Variants in PAX3 observed in about 807,000 individuals in gnomAD.
The protein encoded by PAX3 is paired box protein Pax-3.
Under a neutral mutation model 51.6 loss-of-function variants are expected in PAX3, and 14 were observed. The ratio of observed to expected loss-of-function variants is 0.27; its 90% CI spans 0.18 to 0.42. The LOEUF (loss-of-function observed/expected upper bound fraction) is 0.42. PAX3 is among the 10% of genes least tolerant of loss of function. PAX3 has a pLI of 1.00. For missense variants in PAX3, 540 were observed against 642.8 expected, an observed-to-expected ratio of 0.84 and a Z score of 1.73; for synonymous variants, 280 against 253.4, an observed-to-expected ratio of 1.11 and a Z score of -1.00.
At chr2:222,246,622 T>C (rs1278883892) in intron 4 of PAX3, among the ~76,000 whole-genome samples, 3 of 152,148 alleles carry the variant, frequency 2.0e-5, no homozygotes, top group Admixed American at 6.6e-5. Flanking sequence ...AATAGATCAA[T>C]AGATAGATAT....
At chr2:222,268,631 T>TG (rs1300936474) in intron 4 of PAX3, among the ~76,000 whole-genome samples, 2 of 152,182 alleles carry the variant, frequency 1.3e-5, no homozygotes, top group East Asian at 1.9e-4. Context: ...CACGGGGGGT[T>TG]GGGGGGCAGA....
In PAX3 at chr2:222,234,625, G is replaced by C. The variant is rs74646364; in HGVS notation, c.587-2342C>G. Among the ~76,000 whole-genome samples, 1,053 of 152,228 alleles carry C rather than the reference G, an allele frequency of 6.9e-3. 11 individuals are homozygous for C. Among genetic ancestry groups the C allele is most frequent in the African/African-American group, 0.024 (1,011 of 41,530 alleles). On this transcript the variant is annotated intron_variant, in intron 4 of 8. Coordinates refer to ENST00000392070, the MANE Select transcript of PAX3 (RefSeq NM_181458.4). ...TTTCAATTCAGTAGATCTGAGGTGG[G>C]CTCCAAGAGTTTGCATGTCTAACAC...
At chr2:222,246,749 T>C (rs1202575066) in intron 4 of PAX3, among the ~76,000 whole-genome samples, 1 of 152,240 alleles carries the variant, frequency 6.6e-6, no homozygotes, top group Non-Finnish European at 1.5e-5. Flanking sequence ...TAAATAAAAC[T>C]CTTTCCTCCA....
intron 5 of PAX3, among the ~76,000 whole-genome samples, chr2:222,231,799 C>G (rs112338443): frequency 8.4e-4 from 128 of 152,186 alleles, no homozygotes; most frequent in Non-Finnish European, 1.6e-3. Context: ...TTTATTTGCT[C>G]TTACTTGTGT....
intron 8 of PAX3, 102 bp downstream of exon 8, chr2:222,201,842 G>A: frequency 6.2e-7 from 1 of 1,608,636 alleles, no homozygotes. Flanking sequence ...ATTGATACCG[G>A]CATGTGTGGC....
chr2:222,231,773 G>C (rs1574661356), intron 5 of PAX3, among the ~76,000 whole-genome samples: 1 of 152,198 alleles, frequency 6.6e-6, no homozygotes, highest in Non-Finnish European at 1.5e-5. Flanking sequence ...GGCTGGGACA[G>C]AGTAACCACT....
At chr2:222,211,960 G>C (rs756166416) in intron 7 of PAX3, among the ~76,000 whole-genome samples, 1 of 152,156 alleles carries the variant, frequency 6.6e-6, no homozygotes, top group Non-Finnish European at 1.5e-5. Context: ...ATGAGGCTTG[G>C]TTTGGTTTCA....
intron 4 of PAX3, among the ~76,000 whole-genome samples, chr2:222,271,463 G>T (rs960598408): frequency 2.6e-5 from 4 of 152,174 alleles, no homozygotes; most frequent in Non-Finnish European, 2.9e-5. Flanking sequence ...GATGATGATG[G>T]TACTGGTGAC....
At chr2:222,234,020 T>C (rs2106098523) in intron 4 of PAX3, among the ~76,000 whole-genome samples, 2 of 152,252 alleles carry the variant, frequency 1.3e-5, no homozygotes, top group South Asian at 2.1e-4. Flanking sequence ...AAATCTAAAA[T>C]TTCATTCTAT....
rs13014735 is a variant in PAX3 at position 222,201,518 on chromosome 2, G to A, written c.1421-76C>T. 132,236 of 1,563,452 alleles carry A rather than the reference G, an allele frequency of 0.085. 7,453 individuals carry two copies. Among genetic ancestry groups the A allele is most frequent in the Admixed American group, 0.25 (15,157 of 59,822 alleles). ...TCAGGGGCAAGATCAGCTACAGGCT[G>A]ACAATGTCATATTTAATACCGTGCT... On this transcript the variant is annotated intron_variant, in intron 8 of 8. Coordinates refer to ENST00000392070, the MANE Select transcript of PAX3 (RefSeq NM_181458.4).
intron 4 of PAX3, among the ~76,000 whole-genome samples, chr2:222,250,750 TA>T (rs1693398429): frequency 6.6e-6 from 1 of 152,230 alleles, no homozygotes; most frequent in African/African-American, 2.4e-5. Context: ...TGAGATTTCT[TA>T]AATTCTAAAT....
intron 4 of PAX3, among the ~76,000 whole-genome samples, chr2:222,275,478 G>T (rs567168553): frequency 6.9e-6 from 1 of 145,898 alleles, no homozygotes; most frequent in Non-Finnish European, 1.6e-5. Flanking sequence ...TGCATTTTAC[G>T]TTGTTAATTT....
chr2:222,201,051 ACACG>A lies in PAX3; in HGVS notation c.*353_*356del, dbSNP rs1356392010. 6.1e-5 allele frequency: 60 copies of A among 983,630 alleles called. No homozygotes were observed. The highest frequency in any genetic ancestry group is 2.1e-4 in the Middle Eastern group (1 of 4,774). 60.9% of individuals were successfully genotyped at this position (983,630 alleles called of 1,614,324 possible). On this transcript the variant is annotated 3_prime_UTR_variant, in exon 9 of 9. Transcript: ENST00000392070. ...AATCTCAATACACACACACACACAC[ACACG>A]CACGCACGCACACAAGCAAATGGAA...
chr2:222,254,447 C>CAG (rs59388397), intron 4 of PAX3, among the ~76,000 whole-genome samples: 17,635 of 152,166 alleles, frequency 0.12, 1,245 homozygotes, highest in East Asian at 0.32. Context: ...GTCTGAAATT[C>CAG]AGTTTCTTAG....
At chr2:222,283,205 C>T (rs1694707112) in intron 4 of PAX3, among the ~76,000 whole-genome samples, 1 of 152,156 alleles carries the variant, frequency 6.6e-6, no homozygotes, top group Non-Finnish European at 1.5e-5. Context: ...TACTATGCAG[C>T]TATACAAACA....
At chr2:222,249,667 G>C (rs1026064320) in intron 4 of PAX3, among the ~76,000 whole-genome samples, 4 of 152,060 alleles carry the variant, frequency 2.6e-5, no homozygotes, top group African/African-American at 9.7e-5. Flanking sequence ...ACATTGTAAG[G>C]GCCCTTTGCA....
intron 5 of PAX3, among the ~76,000 whole-genome samples, chr2:222,225,820 C>A (rs927316129): frequency 5.9e-5 from 9 of 152,224 alleles, no homozygotes; most frequent in African/African-American, 1.9e-4. Flanking sequence ...ACTGACACTT[C>A]TATCTGAGAA....
rs746246231 is a variant in PAX3, at chr2:222,298,526, C to T, written c.85+5G>A. ...TCCAGGCGGCGCGCTGAGGCCCTCCCTTACCTTCCAGCGGGAACCCGCTAC... is the reference window on the plus strand; with the variant it reads ...TCCAGGCGGCGCGCTGAGGCCCTCCTTTACCTTCCAGCGGGAACCCGCTAC... On this transcript the variant is annotated splice_donor_5th_base_variant and intron_variant, in intron 1 of 8. Coordinates refer to ENST00000392070, the MANE Select transcript of PAX3 (RefSeq NM_181458.4). 10 of 1,600,690 alleles carry T rather than the reference C, an allele frequency of 6.2e-6. No homozygotes were observed. The highest frequency in any genetic ancestry group is 1.1e-5 in the South Asian group (1 of 88,918).
intron 4 of PAX3, chr2:222,293,607 A>C (rs1378147123): frequency 6.2e-7 from 1 of 1,610,690 alleles, no homozygotes; most frequent in African/African-American, 1.3e-5. Flanking sequence ...CTCACATTTG[A>C]AAATCAACTT....
Sources: gnomAD v4.1 joint callset for allele counts (sites outside exome capture counted in the v4.1 genomes callset) on GRCh38, gnomAD v4.1.1 for gene constraint, MANE v1.5 for transcripts, NCBI Gene and HGNC (gene_info 2026-07-23, HGNC 2026-07-21) for gene names.